The following FAH variants were observed in gnomAD, a reference collection of about 807,000 sequenced individuals.
The protein encoded by FAH is fumarylacetoacetate hydrolase, also known as fumarylacetoacetase.
Under a neutral mutation model 55.8 loss-of-function variants are expected in FAH, and 47 were observed. The ratio of observed to expected loss-of-function variants is 0.84; its 90% CI spans 0.67 to 1.07. FAH has a LOEUF of 1.07. Ranked by LOEUF, FAH falls within the 50% of genes least tolerant of loss-of-function variation. The pLI is 0.00. For missense variants in FAH, 495 were observed against 545.9 expected (o/e 0.91, Z 0.93); for synonymous variants, 199 against 207.7 (o/e 0.96, Z 0.36).
intron 9 of FAH, 69 bp from the exon 10 acceptor site, chr15:80,174,947 T>C (rs1182808636): frequency 1.5e-6 from 2 of 1,345,824 alleles, no homozygotes; most frequent in Non-Finnish European, 2.1e-6. Context: ...GCCTGGCTGG[T>C]ATGGGGGCCC....
intron 13 of FAH, among the ~76,000 whole-genome samples, chr15:80,183,787 G>A (rs2041349288): frequency 6.6e-6 from 1 of 152,182 alleles, no homozygotes; most frequent in African/African-American, 2.4e-5. Flanking sequence ...TTCCAAACAA[G>A]GCAGCTACTC....
intron 9 of FAH, chr15:80,173,399 C>G: frequency 1.7e-6 from 1 of 576,900 alleles, no homozygotes; most frequent in Non-Finnish European, 3.1e-6. Flanking sequence ...CCTTAAGAAT[C>G]TTGCAAGACC....
Position 80,175,032 on chromosome 15 carries a change from C to T in FAH, c.854C>T (p.Pro285Leu), listed in dbSNP as rs933504277. The T allele has an allele frequency of 7.4e-6, 12 of 1,611,128 alleles. No homozygotes were observed. Among genetic ancestry groups the T allele is most frequent in the South Asian group, 2.2e-5 (2 of 90,934 alleles). ...PNPKQDPRPL[P>L]YLCHDEPYTF... ...CCCTCTCAGGACCCCAGGCCCCTGC[C>T]GTATCTGTGCCATGACGAGCCCTAC... Residue 285 changes from proline (P) to leucine (L), a missense_variant, in exon 10 of 14, where the codon CCG becomes CTG. Physicochemically the swap from Pro to Leu is moderately conservative, Grantham distance 98. Transcript: ENST00000561421.
chr15:80,177,757 C>A (rs940271752), intron 11 of FAH, among the ~76,000 whole-genome samples, 174 bp downstream of exon 11: 3 of 152,092 alleles, frequency 2.0e-5, no homozygotes, highest in African/African-American at 7.2e-5. Context: ...TCACAGAGTT[C>A]TCTCGAGATA....
intron 13 of FAH, among the ~76,000 whole-genome samples, chr15:80,185,404 T>A (rs2041362140): frequency 6.6e-6 from 1 of 152,174 alleles, no homozygotes; most frequent in African/African-American, 2.4e-5. Context: ...ACAGAGCCAA[T>A]AAGTAGAGGA....
chr15:80,173,041 TC>T lies in FAH; in HGVS notation c.737del (p.Pro246LeufsTer58). ...CGAGACATTCAGAAGTGGGAGTATGTCCCTCTCGGGCCATTCCTTGGGAAGA... is the reference window on the plus strand; with the variant it reads ...CGAGACATTCAGAAGTGGGAGTATGTCCTCTCGGGCCATTCCTTGGGAAGA... ...SARDIQKWEY[V>X]PLGPFLGKSF... is the part of the protein sequence containing the mutation. On this transcript the variant is annotated frameshift_variant, in exon 9 of 14. Coordinates refer to ENST00000561421, the MANE Select transcript of FAH (RefSeq NM_000137.4). LOFTEE classifies it high-confidence loss of function. 1 of 1,614,214 alleles carries T rather than the reference TC, an allele frequency of 6.2e-7. No individual in the cohort carries two copies. The highest frequency in any genetic ancestry group is 1.1e-5 in the South Asian group (1 of 91,084).
At chr15:80,185,653 C>T (rs1324533914) in intron 13 of FAH, among the ~76,000 whole-genome samples, 2 of 152,170 alleles carry the variant, frequency 1.3e-5, no homozygotes, top group Admixed American at 1.3e-4. Context: ...TACATGGTGG[C>T]AGGCAAGAGA....
chr15:80,166,035 A>G (rs1231738446), intron 5 of FAH: 1 of 152,238 alleles, frequency 6.6e-6, no homozygotes, highest in East Asian at 1.9e-4. Flanking sequence ...AGGGTAAACA[A>G]TGAAAAAAAC....
chr15:80,171,559 C>G (rs2041240754), intron 7 of FAH, among the ~76,000 whole-genome samples: 1 of 152,190 alleles, frequency 6.6e-6, no homozygotes, highest in Non-Finnish European at 1.5e-5. Flanking sequence ...CTCCCTGGCT[C>G]AAGCAATCTT....
intron 13 of FAH, among the ~76,000 whole-genome samples, chr15:80,183,651 C>T (rs2041348146): frequency 6.6e-6 from 1 of 152,222 alleles, no homozygotes; most frequent in African/African-American, 2.4e-5. Context: ...ATGCTCCTTC[C>T]CCAAATCAAT....
At position 80,168,250 on chromosome 15, in the gene FAH, T is replaced by C; in HGVS notation, c.554-14T>C. The C allele has an allele frequency of 2.5e-6, 4 of 1,596,190 alleles. No homozygotes were observed. The highest frequency in any genetic ancestry group is 3.4e-6 in the Non-Finnish European group (4 of 1,167,508). On this transcript the variant is annotated splice_polypyrimidine_tract_variant and intron_variant, in intron 6 of 13. Transcript: ENST00000561421. The stretch of plus-strand genomic sequence containing the variant: ...CACAGCACCGTTTTTTTTTTTTTTC[T>C]GGTGTTATTCCAGCTAAGCCTCCCG...
rs548647410 is a variant in FAH, at chr15:80,156,062, A to C, written c.82-1998A>C. ...TGGATAATATCCAGCCTCCTACAGGAAGCTGGTGGAGCAGAGTGTTCCCTG... is the reference window on the plus strand; with the variant it reads ...TGGATAATATCCAGCCTCCTACAGGCAGCTGGTGGAGCAGAGTGTTCCCTG... On this transcript the variant is annotated intron_variant, in intron 1 of 13. Transcript: ENST00000561421. 81 of 320,024 alleles carry C rather than the reference A, an allele frequency of 2.5e-4. 3 individuals carry two copies. The highest frequency in any genetic ancestry group is 2.2e-3 in the South Asian group (80 of 37,182). The allele number at this position is 320,024 out of a possible 1,614,324, so 19.8% of individuals were successfully genotyped here.
chr15:80,161,456 G>A (rs2041148071), intron 4 of FAH, among the ~76,000 whole-genome samples: 1 of 151,994 alleles, frequency 6.6e-6, no homozygotes, highest in African/African-American at 2.4e-5. Context: ...TGAATATCCA[G>A]CATTTTTTTT....
Position 80,168,284 on chromosome 15 carries a change from G to A in FAH, c.574G>A (p.Ala192Thr), listed in dbSNP as rs1036558670. Residue 192 changes from alanine (A) to threonine (T), a missense_variant, in exon 7 of 14, where the codon GCC becomes ACC. Coordinates refer to ENST00000561421, the MANE Select transcript of FAH (RefSeq NM_000137.4). ...TCCAGCTAAGCCTCCCGTATATGGT[G>A]CCTGCAAGCTCTTGGACATGGAGCT... is the stretch of plus-strand genomic sequence containing the variant. The part of the protein sequence containing the change: ...PDDSKPPVYG[A>T]CKLLDMELEM... 1 of 1,610,404 alleles carries A rather than the reference G, an allele frequency of 6.2e-7. No homozygotes were observed. The highest frequency in any genetic ancestry group is 8.5e-7 in the Non-Finnish European group (1 of 1,179,468).
In FAH at chr15:80,162,355, G is replaced by A; in HGVS notation, c.455+19G>A. 1.3e-6 allele frequency: 2 copies of A among 1,580,590 alleles called. No individual in the cohort carries two copies. The highest frequency in any genetic ancestry group is 1.7e-6 in the Non-Finnish European group (2 of 1,149,348). ...CAAATTGGTATGAACTGGGCCAAAT[G>A]TCTGCATAAGTTCAAAGTCTTTCTT... On this transcript the variant is annotated intron_variant, in intron 5 of 13. Transcript: ENST00000561421.
chr15:80,158,271 C>A, intron 2 of FAH, 101 bp downstream of exon 2: 1 of 885,262 alleles, frequency 1.1e-6, no homozygotes, highest in Non-Finnish European at 1.9e-6. Flanking sequence ...AGAGGTAATG[C>A]CATCGAAGGT....
chr15:80,155,237 C>A (rs2041088417), intron 1 of FAH, among the ~76,000 whole-genome samples: 1 of 152,174 alleles, frequency 6.6e-6, no homozygotes, highest in Non-Finnish European at 1.5e-5. Context: ...GAGAAGGAAC[C>A]ACGTCACTGT....
At chr15:80,162,571 G>A in intron 5 of FAH, 2 of 577,928 alleles carry the variant, frequency 3.5e-6, no homozygotes, top group South Asian at 3.9e-5. Context: ...GACAGCAGGG[G>A]TTGGAATTAG....
intron 11 of FAH, 67 bp downstream of exon 11, chr15:80,177,650 G>A (rs2041295903): frequency 1.4e-6 from 2 of 1,395,910 alleles, no homozygotes; most frequent in Admixed American, 1.7e-5. Context: ...CTTCCTGGCA[G>A]GAACAGGAGG....
Sources: gnomAD v4.1 joint callset for allele counts (sites outside exome capture counted in the v4.1 genomes callset) on GRCh38, gnomAD v4.1.1 for gene constraint, MANE v1.5 for transcripts, NCBI Gene and HGNC (gene_info 2026-07-23, HGNC 2026-07-21) for gene names.